The following WDR43 variants were observed in gnomAD, a reference collection of about 807,000 sequenced individuals.
The protein encoded by WDR43 is WD repeat-containing protein 43.
A neutral mutation model predicts 91.4 loss-of-function variants in WDR43; 13 were observed. The ratio of observed to expected loss-of-function variants is 0.14; its 90% CI spans 0.09 to 0.23. The LOEUF (loss-of-function observed/expected upper bound fraction) is 0.23, where lower values mean the gene tolerates loss of function less well. Ranked by LOEUF, WDR43 falls within the 10% of genes least tolerant of loss-of-function variation. The pLI, the probability that WDR43 is intolerant of heterozygous loss-of-function variation, is 1.00. For synonymous variants in WDR43, 331 were observed against 287.9 expected, an observed-to-expected ratio of 1.15 and a Z score of -1.51; for missense variants, 780 against 809.4, an observed-to-expected ratio of 0.96 and a Z score of 0.44.
chr2:28,938,538 C>T (rs1408992588), intron 14 of WDR43, among the ~76,000 whole-genome samples: 2 of 152,086 alleles, frequency 1.3e-5, no homozygotes, highest in Non-Finnish European at 2.9e-5. Flanking sequence ...ATCATTACAT[C>T]CATTATATTT....
Position 28,946,446 on chromosome 2 carries a change from A to G in WDR43, c.1805-4A>G. On this transcript the variant is annotated splice_region_variant and splice_polypyrimidine_tract_variant and intron_variant, in intron 16 of 17. Coordinates refer to ENST00000407426, the MANE Select transcript of WDR43 (RefSeq NM_015131.3). Reference sequence around the variant, plus strand: ...TTAAGGCTGGGTTCTTTCTCCCCTTACAGAGTCTTCTGAAGAGGAGTCTGA... The same window carrying G: ...TTAAGGCTGGGTTCTTTCTCCCCTTGCAGAGTCTTCTGAAGAGGAGTCTGA... 1 of 1,608,448 alleles carries G rather than the reference A, an allele frequency of 6.2e-7. No homozygotes were observed. Among genetic ancestry groups the G allele is most frequent in the African/African-American group, 1.3e-5 (1 of 74,962 alleles).
At chr2:28,909,376 A>G (rs1020182730) in intron 3 of WDR43, among the ~76,000 whole-genome samples, 2 of 151,766 alleles carry the variant, frequency 1.3e-5, no homozygotes, top group Admixed American at 1.3e-4. Flanking sequence ...CAGGTGATCC[A>G]CCCGCCTCGG....
rs577967018 is a variant in WDR43 at position 28,913,919 on chromosome 2, T to C, written c.607-150T>C. ...GGGAGAATTATAGCACAAATAACCT[T>C]ATTTGCTTAGAATTGAATTGAACAG... On this transcript the variant is annotated intron_variant, in intron 4 of 17. Transcript: ENST00000407426. The C allele has an allele frequency of 1.7e-5, 16 of 928,036 alleles. 1 individual carries two copies. The South Asian group carries it at 2.5e-4, about 14-fold the overall frequency. 57.5% of individuals were successfully genotyped at this position (928,036 alleles called of 1,614,324 possible).
chr2:28,899,122 G>T (rs1670534830), intron 1 of WDR43, among the ~76,000 whole-genome samples: 1 of 151,882 alleles, frequency 6.6e-6, no homozygotes, highest in Non-Finnish European at 1.5e-5. Flanking sequence ...ACCTCCTTGG[G>T]GTATTCACTT....
intron 12 of WDR43, 140 bp downstream of exon 12, chr2:28,935,747 CAAA>C (rs58846266): frequency 0.019 from 4,611 of 242,452 alleles, 5 homozygotes; most frequent in East Asian, 0.052. Context: ...GTACTTTAGA[CAAA>C]AAAAAAAAAA....
At position 28,921,017 on chromosome 2, in the gene WDR43, G is replaced by A. The variant is rs1229353905; in HGVS notation, c.850-1902G>A. ...CTTTCTCTTTTTCTGACTGAATTCTGTTGCTACTTTTAGATTTAACTTTAG... is the reference window on the plus strand; with the variant it reads ...CTTTCTCTTTTTCTGACTGAATTCTATTGCTACTTTTAGATTTAACTTTAG... On this transcript the variant is annotated intron_variant, in intron 6 of 17. Transcript: ENST00000407426. 3.3e-5 allele frequency among the ~76,000 whole-genome samples: 5 copies of A among 151,618 alleles called. No individual in the cohort carries two copies. The East Asian group carries it at 9.7e-4, about 29-fold the overall frequency.
intron 2 of WDR43, chr2:28,905,127 A>G (rs1670653808): frequency 6.6e-6 from 1 of 152,208 alleles, no homozygotes; most frequent in African/African-American, 2.4e-5. Flanking sequence ...GCAAGAGCAA[A>G]TGAGGGGAGA....
Position 28,917,631 on chromosome 2 carries a change from A to G in WDR43, c.747-262A>G, listed in dbSNP as rs183859503. ...AGTGTCAGGATAGACAGACAGATCA[A>G]TAGAAAAAAACAGAATGTTACTCAT... On this transcript the variant is annotated intron_variant, in intron 5 of 17. Coordinates refer to ENST00000407426, the MANE Select transcript of WDR43 (RefSeq NM_015131.3). Among the ~76,000 whole-genome samples, 21 of 152,352 alleles carry G rather than the reference A, an allele frequency of 1.4e-4. No individual in the cohort carries two copies. The East Asian group carries it at 3.3e-3, about 24-fold the overall frequency.
At chr2:28,924,379 A>G (rs962593973) in intron 7 of WDR43, among the ~76,000 whole-genome samples, 2 of 152,132 alleles carry the variant, frequency 1.3e-5, no homozygotes, top group African/African-American at 4.8e-5. Flanking sequence ...AATTGAAAAG[A>G]TTTTAGGGAC....
At chr2:28,938,024 A>G (rs1446138898) in intron 14 of WDR43, 30 bp downstream of exon 14, 3 of 1,611,416 alleles carry the variant, frequency 1.9e-6, no homozygotes, top group Non-Finnish European at 2.5e-6. Flanking sequence ...GTTGCCGAGT[A>G]TGAATAGTTT....
intron 6 of WDR43, 129 bp downstream of exon 6, chr2:28,918,124 AT>A: frequency 1.3e-6 from 1 of 754,796 alleles, no homozygotes; most frequent in Non-Finnish European, 2.1e-6. Flanking sequence ...ACTGTAACAA[AT>A]TTTAGACTGT....
At chr2:28,912,805 A>G (rs1405281376) in intron 4 of WDR43, 95 bp downstream of exon 4, 1 of 1,464,310 alleles carries the variant, frequency 6.8e-7, no homozygotes, top group Non-Finnish European at 9.1e-7. Flanking sequence ...TTAAGAATAC[A>G]AATTCTTCAT....
chr2:28,924,921 A>G (rs1671099005), intron 7 of WDR43, 61 bp from the exon 8 acceptor site: 6 of 1,558,808 alleles, frequency 3.8e-6, no homozygotes, highest in Non-Finnish European at 5.2e-6. Flanking sequence ...TGTCAGTTCC[A>G]GAGAGTTAGT....
At chr2:28,932,226 C>T (rs912647875) in intron 11 of WDR43, among the ~76,000 whole-genome samples, 6 of 152,012 alleles carry the variant, frequency 3.9e-5, no homozygotes, top group Non-Finnish European at 8.8e-5. Context: ...TGCAGTGGTG[C>T]GGTCTCAGCT....
intron 14 of WDR43, among the ~76,000 whole-genome samples, chr2:28,938,807 GA>G (rs1671382879): frequency 6.6e-6 from 1 of 152,194 alleles, no homozygotes; most frequent in Non-Finnish European, 1.5e-5. Context: ...TGTGTTTGGG[GA>G]GAACTCGCTA....
intron 6 of WDR43, among the ~76,000 whole-genome samples, chr2:28,921,189 A>G (rs538058337): frequency 6.7e-6 from 1 of 149,794 alleles, no homozygotes; most frequent in Non-Finnish European, 1.5e-5. Context: ...GTGCAGTGGC[A>G]CAATCTCAGC....
At chr2:28,896,857 A>T (rs1307210505) in intron 1 of WDR43, among the ~76,000 whole-genome samples, 1 of 152,186 alleles carries the variant, frequency 6.6e-6, no homozygotes, top group Admixed American at 6.5e-5. Context: ...GACAAACGAG[A>T]GTTGAGCTAC....
chr2:28,937,453 T>C (rs1401845975), intron 13 of WDR43, among the ~76,000 whole-genome samples: 3 of 152,168 alleles, frequency 2.0e-5, no homozygotes. Context: ...ATTAGCCTTC[T>C]GAGCTCACAA....
intron 10 of WDR43, 160 bp downstream of exon 10, chr2:28,927,860 T>TTCAA (rs1237073629): frequency 1.9e-6 from 2 of 1,046,338 alleles, no homozygotes; most frequent in African/African-American, 3.2e-5. Flanking sequence ...GATTTCATAA[T>TTCAA]TCTAGATTGT....
Sources: gnomAD v4.1 joint callset for allele counts (sites outside exome capture counted in the v4.1 genomes callset) on GRCh38, gnomAD v4.1.1 for gene constraint, MANE v1.5 for transcripts, NCBI Gene and HGNC (gene_info 2026-07-23, HGNC 2026-07-21) for gene names.